CHD9: variants seen among roughly 807,000 people sequenced by gnomAD.
CHD9 encodes chromodomain helicase DNA binding protein 9.
Under a neutral mutation model 316.1 loss-of-function variants are expected in CHD9, and 77 were observed. The observed-to-expected ratio is 0.24, with a 90% CI of 0.20 to 0.29. The LOEUF (loss-of-function observed/expected upper bound fraction) is 0.29, where lower values mean the gene tolerates loss of function less well. CHD9 is among the 10% of genes least tolerant of loss of function. The pLI, the probability that CHD9 is intolerant of heterozygous loss-of-function variation, is 1.00. For missense variants in CHD9, 2,763 were observed against 3,438.1 expected (o/e 0.80, Z 4.91); for synonymous variants, 1,129 against 1,158.3 (o/e 0.97, Z 0.51).
intron 1 of CHD9, among the ~76,000 whole-genome samples, chr16:53,134,954 A>G (rs1427678553): frequency 6.6e-6 from 1 of 152,214 alleles, no homozygotes; most frequent in East Asian, 1.9e-4. Flanking sequence ...GAAAATTACA[A>G]CTTATGATCA....
intron 2 of CHD9, among the ~76,000 whole-genome samples, chr16:53,182,796 A>G (rs1031971678): frequency 6.6e-6 from 1 of 152,202 alleles, no homozygotes; most frequent in East Asian, 1.9e-4. Flanking sequence ...TATTTCATAC[A>G]TATTCTTAAT....
intron 2 of CHD9, among the ~76,000 whole-genome samples, chr16:53,207,420 G>A (rs1282932189): frequency 3.9e-5 from 6 of 152,148 alleles, no homozygotes; most frequent in Admixed American, 3.3e-4. Flanking sequence ...TCCATGTTAA[G>A]ACGATGAAAC....
intron 1 of CHD9, among the ~76,000 whole-genome samples, chr16:53,101,998 TG>T (rs1336124637): frequency 6.6e-6 from 1 of 152,158 alleles, no homozygotes; most frequent in African/African-American, 2.4e-5. Context: ...AGGTCAGGAA[TG>T]TGTAGAATTG....
At chr16:53,129,391 T>C (rs1289025526) in intron 1 of CHD9, among the ~76,000 whole-genome samples, 7 of 152,254 alleles carry the variant, frequency 4.6e-5, no homozygotes, top group East Asian at 1.9e-4. Flanking sequence ...TGGTCTAATA[T>C]GTGGTTGTTA....
intron 2 of CHD9, among the ~76,000 whole-genome samples, chr16:53,175,143 G>A (rs564779062): frequency 6.6e-6 from 1 of 152,226 alleles, no homozygotes; most frequent in Non-Finnish European, 1.5e-5. Flanking sequence ...TGGGTTTTGG[G>A]TAATCTTTTC....
chr16:53,168,076 T>A lies in CHD9; in HGVS notation c.1452+10535T>A, dbSNP rs564492216. Among the ~76,000 whole-genome samples, 37 of 150,656 alleles carry A rather than the reference T, an allele frequency of 2.5e-4. 1 individual carries two copies. The South Asian group carries it at 7.8e-3, about 32-fold the overall frequency. ...TATTTATTTATTTATTTATTTATTT[T>A]TTTGAGACGGAGTCTTGCTCCGTCT... On this transcript the variant is annotated intron_variant, in intron 2 of 38. Coordinates refer to ENST00000447540, the MANE Select transcript of CHD9 (RefSeq NM_001308319.2).
intron 36 of CHD9, 27 bp downstream of exon 36, chr16:53,315,071 A>G: frequency 6.6e-7 from 1 of 1,524,440 alleles, no homozygotes; most frequent in Non-Finnish European, 9.0e-7. Context: ...AATTCTTGTT[A>G]TATTTTATTT....
rs1253802021 is a variant in CHD9, at chr16:53,324,647, A to G, written c.8446A>G (p.Ile2816Val). 2.5e-6 allele frequency: 4 copies of G among 1,613,814 alleles called. No homozygotes were observed. Among genetic ancestry groups the G allele is most frequent in the Non-Finnish European group, 3.4e-6 (4 of 1,179,818 alleles). The change falls in exon 39 of 39, where the codon ATT becomes GTT. Residue 2816 changes from isoleucine to valine, a missense_variant. Ile to Val is a conservative substitution (Grantham distance 29). Coordinates refer to ENST00000447540, the MANE Select transcript of CHD9 (RefSeq NM_001308319.2). ...TCTCACTCCAGGCCTTAATCTTCAT[A>G]TTCCAACTTTGTCCCAGTCCAATAC... ...MLLTPGLNLH[I>V]PTLSQSNTFD...
intron 2 of CHD9, among the ~76,000 whole-genome samples, chr16:53,180,266 C>G (rs1419259437): frequency 6.6e-6 from 1 of 152,070 alleles, no homozygotes; most frequent in Non-Finnish European, 1.5e-5. Context: ...CTCGGCCTCC[C>G]AAAGTGCTGA....
At chr16:53,133,731 G>A (rs2039507397) in intron 1 of CHD9, among the ~76,000 whole-genome samples, 1 of 152,138 alleles carries the variant, frequency 6.6e-6, no homozygotes, top group Non-Finnish European at 1.5e-5. Flanking sequence ...CCCGTGACAA[G>A]ATAAGATTAA....
Position 53,250,049 on chromosome 16 carries a change from C to A in CHD9, c.3844C>A (p.Pro1282Thr). The change falls in exon 17 of 39, where the codon CCT (proline) becomes ACT (threonine). Residue 1282 changes from proline to threonine, a missense_variant. Pro to Thr is a conservative substitution (Grantham distance 38). This residue lies in a region of CHD9 where 11 missense variants were observed against 44.2 expected (regional missense o/e 0.25). Transcript: ENST00000447540. ...TATAATTTTTGATTCTGATTGGAAT[C>A]CTCAGAATGATCTTCAGGTAAATAA... ...TCIIFDSDWN[P>T]QNDLQAQARC... 1 of 1,608,290 alleles carries A rather than the reference C, an allele frequency of 6.2e-7. No homozygotes were observed. Among genetic ancestry groups the A allele is most frequent in the Non-Finnish European group, 8.5e-7 (1 of 1,177,374 alleles).
intron 1 of CHD9, among the ~76,000 whole-genome samples, chr16:53,071,387 A>G (rs1161424987): frequency 1.3e-5 from 2 of 152,176 alleles, no homozygotes; most frequent in Non-Finnish European, 2.9e-5. Context: ...ACAGTGTTAT[A>G]TAGAGTCAAA....
chr16:53,211,215 T>C (rs2046307949), intron 3 of CHD9, among the ~76,000 whole-genome samples: 1 of 152,088 alleles, frequency 6.6e-6, no homozygotes, highest in Admixed American at 6.5e-5. Flanking sequence ...GTTACTTGCC[T>C]CAAACTTGGG....
chr16:53,215,191 C>T (rs1223878404), intron 3 of CHD9, among the ~76,000 whole-genome samples: 1 of 152,226 alleles, frequency 6.6e-6, no homozygotes, highest in African/African-American at 2.4e-5. Context: ...GCTGGGATTA[C>T]AGGCATAAGC....
rs772979508 is a variant in CHD9 at position 53,245,399 on chromosome 16, C to T, written c.3118C>T (p.Leu1040Phe). ...QNTVEELFSL[L>F]HFLEPLRFPS... ...TACAGTTGAAGAACTATTTAGTCTT[C>T]TTCACTTTCTTGAACCCTTAAGGTT... The change falls in exon 14 of 39, where the codon CTT becomes TTT. Residue 1040 changes from leucine (L) to phenylalanine (F), a missense_variant. Physicochemically the swap from Leu to Phe is conservative, Grantham distance 22. Around this residue, in one of 15 missense-constraint regions of CHD9, gnomAD observed 155 missense variants for 291.8 expected, o/e 0.53. Coordinates refer to ENST00000447540, the MANE Select transcript of CHD9 (RefSeq NM_001308319.2). This position sits in a 1 kb window ranked among gnomAD's most constrained non-coding sequence, Gnocchi z 4.1. The T allele has an allele frequency of 1.1e-5, 17 of 1,598,484 alleles. No homozygotes were observed. Among genetic ancestry groups the T allele is most frequent in the East Asian group, 2.2e-5 (1 of 44,560 alleles).
At chr16:53,243,593 G>A (rs1215603542) in intron 13 of CHD9, among the ~76,000 whole-genome samples, 1 of 152,164 alleles carries the variant, frequency 6.6e-6, no homozygotes, top group Non-Finnish European at 1.5e-5. Context: ...GATTACAGGC[G>A]TGAGCCTGTA....
chr16:53,201,469 C>T (rs2152849016), intron 2 of CHD9, among the ~76,000 whole-genome samples: 1 of 152,254 alleles, frequency 6.6e-6, no homozygotes, highest in South Asian at 2.1e-4. Flanking sequence ...ATTCCTTCAG[C>T]ATGAAGTCTA....
intron 30 of CHD9, among the ~76,000 whole-genome samples, chr16:53,301,114 A>C (rs2055363506): frequency 6.6e-6 from 1 of 152,168 alleles, no homozygotes; most frequent in Non-Finnish European, 1.5e-5. Context: ...TTCACATCTC[A>C]AATGATGATT....
chr16:53,248,514 GTTTT>G (rs752292946), intron 16 of CHD9, among the ~76,000 whole-genome samples: 2 of 132,672 alleles, frequency 1.5e-5, no homozygotes, highest in South Asian at 4.6e-4. Context: ...TGCTTTGTTG[GTTTT>G]TTTTTTTGTT....
Sources: allele counts gnomAD v4.1 joint callset (sites outside exome capture counted in the v4.1 genomes callset), GRCh38; gene constraint gnomAD v4.1.1; regional missense constraint gnomAD v4.1.1; non-coding constraint Gnocchi (gnomAD v3.1); transcripts MANE v1.5; gene names NCBI Gene and HGNC (gene_info 2026-07-23, HGNC 2026-07-21).